PHF21A: variants seen among roughly 807,000 people sequenced by gnomAD.
PHF21A encodes the protein BHC80a.
PHF21A carries 11 observed loss-of-function variants against 82.5 expected under a neutral mutation model. The observed-to-expected ratio is 0.13, with a 90% confidence interval of 0.08 to 0.22. PHF21A has a LOEUF of 0.22. PHF21A is among the 10% of genes least tolerant of loss of function. The pLI is 1.00. For missense variants in PHF21A, 579 were observed against 837.8 expected, an observed-to-expected ratio of 0.69 and a Z score of 3.81; for synonymous variants, 297 against 302.8, an observed-to-expected ratio of 0.98 and a Z score of 0.20.
At chr11:46,030,089 G>A (rs561302197) in intron 6 of PHF21A, among the ~76,000 whole-genome samples, 4 of 152,202 alleles carry the variant, frequency 2.6e-5, no homozygotes, top group East Asian at 1.9e-4. Context: ...TATTCATTAC[G>A]GTCTTTGGAC....
At chr11:45,977,771 AG>A (rs1290650077) in intron 7 of PHF21A, among the ~76,000 whole-genome samples, 2 of 151,646 alleles carry the variant, frequency 1.3e-5, no homozygotes, top group Non-Finnish European at 2.9e-5. Context: ...GATTTACAAC[AG>A]GGATTTTTCT....
intron 6 of PHF21A, among the ~76,000 whole-genome samples, chr11:46,064,515 T>C (rs758683143): frequency 9.2e-5 from 14 of 152,172 alleles, no homozygotes; most frequent in Non-Finnish European, 1.3e-4. Flanking sequence ...AAATCAACTT[T>C]GGGAAACATA....
chr11:46,100,444 G>T (rs1024374608), intron 1 of PHF21A, among the ~76,000 whole-genome samples: 4 of 152,104 alleles, frequency 2.6e-5, no homozygotes, highest in South Asian at 4.1e-4. Flanking sequence ...CCGGTTAAAA[G>T]AATAAGTTTT....
intron 1 of PHF21A, among the ~76,000 whole-genome samples, chr11:46,107,450 T>C (rs1156958803): frequency 6.6e-6 from 1 of 152,208 alleles, no homozygotes; most frequent in African/African-American, 2.4e-5. Context: ...TTATGAATGC[T>C]ACCAATGAGA....
chr11:45,934,789 C>T (rs909716318), intron 18 of PHF21A: 3 of 348,702 alleles, frequency 8.6e-6, no homozygotes, highest in East Asian at 7.5e-5. Context: ...TCTGCTCAGC[C>T]GGGGACTTAG....
At position 46,098,342 on chromosome 11, in the gene PHF21A, A is replaced by C. The variant is rs182523856; in HGVS notation, c.-236-6119T>G. Among the ~76,000 whole-genome samples, 55 of 152,334 alleles carry C rather than the reference A, an allele frequency of 3.6e-4. No individual in the cohort carries two copies. The East Asian group carries it at 0.01, about 28-fold the overall frequency. On this transcript the variant is annotated intron_variant, in intron 1 of 18. Coordinates refer to ENST00000676320, the MANE Select transcript of PHF21A (RefSeq NM_001352027.3). ...ATATTAACTTCTATATGCTTGAAAA[A>C]TGTGAGCCACACTAGCTAATAAAAG...
chr11:46,119,895 C>A (rs1489386652), intron 1 of PHF21A: 1 of 147,196 alleles, frequency 6.8e-6, no homozygotes, highest in Non-Finnish European at 1.5e-5. Flanking sequence ...CCGGCGGGGG[C>A]GCGGGCGGGG....
intron 5 of PHF21A, 107 bp from the exon 6 acceptor site, chr11:46,076,926 C>A: frequency 1.2e-6 from 1 of 828,552 alleles, no homozygotes. Context: ...CAACCCGAAG[C>A]ATTTAGCCAA....
At chr11:46,079,037 A>G (rs1303640908) in intron 5 of PHF21A, 97 bp downstream of exon 5, 2 of 674,428 alleles carry the variant, frequency 3.0e-6, no homozygotes, top group Non-Finnish European at 4.9e-6. Flanking sequence ...ATAATTCTTA[A>G]AAGTTAAGTA....
intron 6 of PHF21A, among the ~76,000 whole-genome samples, chr11:45,981,404 A>C (rs2094279179): frequency 7.8e-6 from 1 of 127,756 alleles, no homozygotes; most frequent in Non-Finnish European, 1.6e-5. Flanking sequence ...AAAAAAAAAA[A>C]AAAAAAAAAA....
At chr11:45,945,719 T>A (rs1565189561) in intron 15 of PHF21A, 121 bp downstream of exon 15, 3 of 775,484 alleles carry the variant, frequency 3.9e-6, no homozygotes, top group African/African-American at 1.8e-5. Flanking sequence ...CATTCTATAG[T>A]GTTTAATTGC....
At chr11:45,998,139 A>G (rs1387771899) in intron 6 of PHF21A, among the ~76,000 whole-genome samples, 1 of 152,186 alleles carries the variant, frequency 6.6e-6, no homozygotes, top group Non-Finnish European at 1.5e-5. Flanking sequence ...AATACAAACC[A>G]TTCTAGTCGT....
At chr11:46,095,701 G>A (rs2135560748) in intron 1 of PHF21A, among the ~76,000 whole-genome samples, 1 of 151,924 alleles carries the variant, frequency 6.6e-6, no homozygotes, top group Non-Finnish European at 1.5e-5. Flanking sequence ...AATACCTTTT[G>A]TAAAATATCT....
chr11:46,013,772 C>T (rs1206838421), intron 6 of PHF21A, among the ~76,000 whole-genome samples: 2 of 152,002 alleles, frequency 1.3e-5, no homozygotes, highest in Non-Finnish European at 2.9e-5. Flanking sequence ...CCATAGGTAA[C>T]AATGGTAAGT....
intron 6 of PHF21A, among the ~76,000 whole-genome samples, chr11:46,068,729 A>AACACCTGATG (rs1262982974): frequency 4.6e-5 from 7 of 152,118 alleles, no homozygotes; most frequent in Non-Finnish European, 1.0e-4. Context: ...CAACATATAT[A>AACACCTGATG]ACACCTGATG....
At chr11:45,982,132 T>A (rs568998959) in intron 6 of PHF21A, among the ~76,000 whole-genome samples, 2 of 152,190 alleles carry the variant, frequency 1.3e-5, no homozygotes, top group East Asian at 3.9e-4. Flanking sequence ...AATTTTTTTA[T>A]TTTTTGTAGA....
chr11:46,028,939 ACT>A (rs1478950190), intron 6 of PHF21A, among the ~76,000 whole-genome samples: 1 of 152,196 alleles, frequency 6.6e-6, no homozygotes, highest in Admixed American at 6.5e-5. Context: ...GCCCCAAAGG[ACT>A]ATATGAACAC....
chr11:46,007,851 T>A (rs2095331418), intron 6 of PHF21A, among the ~76,000 whole-genome samples: 1 of 152,240 alleles, frequency 6.6e-6, no homozygotes, highest in Non-Finnish European at 1.5e-5. Flanking sequence ...CAAGGGACTT[T>A]TCCATCTTAC....
intron 6 of PHF21A, among the ~76,000 whole-genome samples, chr11:46,011,950 C>T (rs2137410886): frequency 6.6e-6 from 1 of 152,312 alleles, no homozygotes; most frequent in South Asian, 2.1e-4. Flanking sequence ...ACTCTAGGTC[C>T]TTCACTCTAT....
Sources: gnomAD v4.1 joint callset for allele counts (sites outside exome capture counted in the v4.1 genomes callset) on GRCh38, gnomAD v4.1.1 for gene constraint, MANE v1.5 for transcripts, NCBI Gene and HGNC (gene_info 2026-07-23, HGNC 2026-07-21) for gene names.